The following KANK1 variants were observed in gnomAD, a reference collection of about 807,000 sequenced individuals.
The protein encoded by KANK1 is KN motif and ankyrin repeat domain-containing protein 1.
Under a neutral mutation model 106.2 loss-of-function variants are expected in KANK1, and 109 were observed. The observed-to-expected ratio is 1.03, with a 90% confidence interval of 0.88 to 1.20. The LOEUF (loss-of-function observed/expected upper bound fraction) is 1.20, where lower values mean the gene tolerates loss of function less well. Among genes scored for constraint, KANK1 ranks in the 50% most tolerant of loss-of-function variants. The pLI is 0.00. For missense variants in KANK1, 2,399 were observed against 1,710.7 expected, an observed-to-expected ratio of 1.40 and a Z score of -7.10; for synonymous variants, 873 against 652.2, an observed-to-expected ratio of 1.34 and a Z score of -5.16.
At chr9:494,646 G>A (rs531323504) in intron 3 of KANK1, among the ~76,000 whole-genome samples, 33 of 152,278 alleles carry the variant, frequency 2.2e-4, no homozygotes, top group African/African-American at 7.2e-4. Flanking sequence ...AGCAATACAC[G>A]TGACAAGCCT....
At chr9:646,690 T>C (rs1563920596) in intron 1 of KANK1, among the ~76,000 whole-genome samples, 1 of 149,476 alleles carries the variant, frequency 6.7e-6, no homozygotes, top group Non-Finnish European at 1.5e-5. Context: ...GTTTTTTAAG[T>C]ATCTTTTTTT....
intron 1 of KANK1, among the ~76,000 whole-genome samples, chr9:531,821 A>G (rs2060069546): frequency 6.6e-6 from 1 of 152,180 alleles, no homozygotes; most frequent in Admixed American, 6.5e-5. Flanking sequence ...TAGCCCATAT[A>G]TCGGGAAAAA....
At chr9:563,291 A>G (rs1816967218) in intron 1 of KANK1, among the ~76,000 whole-genome samples, 1 of 152,090 alleles carries the variant, frequency 6.6e-6, no homozygotes, top group Non-Finnish European at 1.5e-5. Context: ...GCTATCCCTA[A>G]TACGGCAACT....
chr9:580,317 C>T (rs1178652089), intron 1 of KANK1, among the ~76,000 whole-genome samples: 1 of 152,022 alleles, frequency 6.6e-6, no homozygotes, highest in African/African-American at 2.4e-5. Flanking sequence ...CAGCGCGGAC[C>T]CGAAGAGTGA....
intron 3 of KANK1, chr9:495,511 G>T (rs2058444111): frequency 6.6e-6 from 1 of 151,890 alleles, no homozygotes; most frequent in Admixed American, 6.6e-5. Context: ...AGGACCACTA[G>T]GTAAGCATGC....
intron 1 of KANK1, among the ~76,000 whole-genome samples, chr9:564,217 G>A (rs976856030): frequency 6.6e-6 from 1 of 151,968 alleles, no homozygotes; most frequent in East Asian, 1.9e-4. Context: ...CCGCCACCAC[G>A]CCCGGCTAAT....
chr9:510,231 T>C (rs1368307632), intron 1 of KANK1, among the ~76,000 whole-genome samples: 1 of 152,182 alleles, frequency 6.6e-6, no homozygotes, highest in African/African-American at 2.4e-5. Context: ...ATAGCATAAA[T>C]TGAACCTTTG....
chr9:497,365 C>T (rs1045845411), intron 3 of KANK1, among the ~76,000 whole-genome samples: 5 of 152,136 alleles, frequency 3.3e-5, no homozygotes, highest in African/African-American at 9.7e-5. Context: ...CCACTGTGCA[C>T]GCCCTCCCCA....
intron 1 of KANK1, among the ~76,000 whole-genome samples, chr9:609,139 A>C (rs1321346587): frequency 6.6e-6 from 1 of 152,178 alleles, no homozygotes; most frequent in Non-Finnish European, 1.5e-5. Context: ...ATTGTCCATA[A>C]ATAGCAATTG....
chr9:605,762 C>G (rs1828948833), intron 1 of KANK1, among the ~76,000 whole-genome samples: 1 of 151,688 alleles, frequency 6.6e-6, no homozygotes, highest in Non-Finnish European at 1.5e-5. Context: ...GGAGACCACC[C>G]AGTGGCCCGC....
intron 1 of KANK1, among the ~76,000 whole-genome samples, chr9:542,241 G>A (rs1326781978): frequency 1.3e-5 from 2 of 151,946 alleles, no homozygotes; most frequent in African/African-American, 2.4e-5. Context: ...GCTCATGCCT[G>A]TAAATCCCAG....
intron 1 of KANK1, among the ~76,000 whole-genome samples, chr9:538,679 A>G (rs1000363849): frequency 6.6e-6 from 1 of 152,182 alleles, no homozygotes; most frequent in Non-Finnish European, 1.5e-5. Context: ...AGCTTAGAAC[A>G]TAAGGAAGGA....
At chr9:561,497 A>G (rs1405102935) in intron 1 of KANK1, among the ~76,000 whole-genome samples, 1 of 152,204 alleles carries the variant, frequency 6.6e-6, no homozygotes, top group African/African-American at 2.4e-5. Context: ...TCTCAAATAC[A>G]CTCATCACTG....
intron 1 of KANK1, among the ~76,000 whole-genome samples, chr9:521,980 C>T (rs1176722370): frequency 6.6e-6 from 1 of 151,768 alleles, no homozygotes; most frequent in Admixed American, 6.6e-5. Context: ...TCCCTTTTGC[C>T]TCTCTCAGTG....
rs1026991986 is a variant in KANK1, at chr9:518,820, G to A, written c.-84+14066G>A. Among the ~76,000 whole-genome samples, 7 of 151,626 alleles carry A rather than the reference G, an allele frequency of 4.6e-5. 1 individual carries two copies. The highest frequency in any genetic ancestry group is 1.7e-4 in the African/African-American group (7 of 40,950). On this transcript the variant is annotated intron_variant, in intron 1 of 11. Coordinates refer to ENST00000382297, the MANE Select transcript of KANK1 (RefSeq NM_015158.5). ...GAAGTAAAGGGTAGAGGCAGGCTCA[G>A]GGACCCAAGTCTTGTAGGAAACCAC... is the stretch of plus-strand genomic sequence containing the variant.
At chr9:535,082 A>G (rs2060235743) in intron 1 of KANK1, among the ~76,000 whole-genome samples, 1 of 152,190 alleles carries the variant, frequency 6.6e-6, no homozygotes, top group Non-Finnish European at 1.5e-5. Flanking sequence ...TGAGAGTGGC[A>G]CAGTAACTCT....
chr9:566,196 T>C (rs927051876), intron 1 of KANK1, among the ~76,000 whole-genome samples: 3 of 152,210 alleles, frequency 2.0e-5, no homozygotes, highest in Non-Finnish European at 4.4e-5. Context: ...TCTTATTCTT[T>C]TTTATGGCTG....
intron 1 of KANK1, among the ~76,000 whole-genome samples, chr9:592,717 A>C (rs191741087): frequency 3.3e-5 from 5 of 151,940 alleles, no homozygotes; most frequent in Non-Finnish European, 5.9e-5. Flanking sequence ...TTGAAATGTG[A>C]CTTGAGATAG....
chr9:668,343 T>C (rs1323046247), intron 1 of KANK1, among the ~76,000 whole-genome samples: 35 of 77,646 alleles, frequency 4.5e-4, no homozygotes, highest in Non-Finnish European at 2.2e-4. Context: ...TATTATTGTA[T>C]TATAATCTCT....
Sources: allele counts gnomAD v4.1 joint callset (sites outside exome capture counted in the v4.1 genomes callset), GRCh38; gene constraint gnomAD v4.1.1; transcripts MANE v1.5; gene names NCBI Gene and HGNC (gene_info 2026-07-23, HGNC 2026-07-21).